Variants in RUNX2 observed in about 807,000 individuals in gnomAD.
The protein encoded by RUNX2 is runt-related transcription factor 2.
In RUNX2, 10 loss-of-function variants were observed where a neutral mutation model predicts 51.7. That is an observed-to-expected ratio of 0.19 (90% CI 0.12 to 0.33). RUNX2 has a LOEUF of 0.33. Among genes scored for constraint, RUNX2 ranks in the 10% least tolerant of loss-of-function variants. The probability of loss-of-function intolerance (pLI) is 1.00; values close to 1 mark genes in which losing one functional copy is unlikely to be tolerated. For missense variants in RUNX2, 562 were observed against 691.3 expected (o/e 0.81, Z 2.10); for synonymous variants, 276 against 273.6 (o/e 1.01, Z -0.09).
intron 7 of RUNX2, among the ~76,000 whole-genome samples, chr6:45,515,626 A>G (rs1256355837): frequency 6.6e-6 from 1 of 152,212 alleles, no homozygotes; most frequent in Non-Finnish European, 1.5e-5. Context: ...GATTATCTAA[A>G]TAAGTTAATA....
intron 6 of RUNX2, among the ~76,000 whole-genome samples, chr6:45,501,685 T>G (rs77604790): frequency 2.0e-5 from 3 of 152,348 alleles, no homozygotes; most frequent in Non-Finnish European, 4.4e-5. Context: ...GGTCCAGATA[T>G]GCAATAGACA....
chr6:45,335,305 G>T (rs1788335745), intron 2 of RUNX2, among the ~76,000 whole-genome samples: 1 of 151,048 alleles, frequency 6.6e-6, no homozygotes, highest in Non-Finnish European at 1.5e-5. Context: ...TAAACAATGT[G>T]AATTTACTTT....
intron 2 of RUNX2, among the ~76,000 whole-genome samples, chr6:45,332,699 A>G (rs1296758985): frequency 6.6e-6 from 1 of 151,840 alleles, no homozygotes; most frequent in East Asian, 1.9e-4. Context: ...TATAGCATCT[A>G]TTAAAAATAT....
chr6:45,464,963 C>T (rs921472128), intron 5 of RUNX2, among the ~76,000 whole-genome samples: 3 of 152,188 alleles, frequency 2.0e-5, no homozygotes, highest in Non-Finnish European at 4.4e-5. Flanking sequence ...CACAAGGAAA[C>T]TCTGGGAGTG....
At position 45,422,583 on chromosome 6, in the gene RUNX2, A is replaced by T. The variant is rs140119945; in HGVS notation, c.59-10A>T. The T allele has an allele frequency of 1.9e-5, 29 of 1,505,592 alleles. No individual in the cohort carries two copies. In the African/African-American group the frequency reaches 3.8e-4, roughly 20 times the overall value. 93.3% of individuals were successfully genotyped at this position (1,505,592 alleles called of 1,614,324 possible). A position where few individuals can be genotyped will look rare whatever the true frequency, so the allele number is the denominator to read the frequency against. On this transcript the variant is annotated splice_polypyrimidine_tract_variant and intron_variant, in intron 2 of 8. Transcript: ENST00000647337. Reference sequence around the variant, plus strand: ...CTAACTTGTGGCTGTTGTGATGCGTATTCCCGTAGATCCGAGCACCAGCCG... The same window carrying T: ...CTAACTTGTGGCTGTTGTGATGCGTTTTCCCGTAGATCCGAGCACCAGCCG...
At chr6:45,445,742 G>A (rs9472491) in intron 5 of RUNX2, among the ~76,000 whole-genome samples, 20,998 of 149,172 alleles carry the variant, frequency 0.14, 3,029 homozygotes, top group African/African-American at 0.38. Flanking sequence ...ATAAAACATC[G>A]TTGAAAATCT....
intron 7 of RUNX2, among the ~76,000 whole-genome samples, chr6:45,542,139 T>A (rs925319760): frequency 1.3e-5 from 2 of 152,068 alleles, no homozygotes; most frequent in Non-Finnish European, 2.9e-5. Context: ...AAATTGAAGA[T>A]CAGACATTCT....
In RUNX2 at chr6:45,547,436, T is replaced by C; in HGVS notation, c.*131T>C. On this transcript the variant is annotated 3_prime_UTR_variant, in exon 9 of 9. Coordinates refer to ENST00000647337, the MANE Select transcript of RUNX2 (RefSeq NM_001024630.4). ...ACAAAGTGCCTATTTTTTAGAAGATTTTTCATTCACTCACTCAGTCATGAT... is the reference window on the plus strand; with the variant it reads ...ACAAAGTGCCTATTTTTTAGAAGATCTTTCATTCACTCACTCAGTCATGAT... 1 of 793,754 alleles carries C rather than the reference T, an allele frequency of 1.3e-6. No homozygotes were observed. The highest frequency in any genetic ancestry group is 2.1e-6 in the Non-Finnish European group (1 of 467,534). The allele number at this position is 793,754 out of a possible 1,614,324, so 49.2% of individuals were successfully genotyped here.
Position 45,547,357 on chromosome 6 carries a change from C to CAAA in RUNX2, c.*54_*55insAAA, listed in dbSNP as rs1219443340. 1 of 1,300,880 alleles carries CAAA rather than the reference C, an allele frequency of 7.7e-7. No individual in the cohort carries two copies. The highest frequency in any genetic ancestry group is 1.1e-6 in the Non-Finnish European group (1 of 896,858). The allele number at this position is 1,300,880 out of a possible 1,614,324, so 80.6% of individuals were successfully genotyped here. On this transcript the variant is annotated 3_prime_UTR_variant, in exon 9 of 9. Coordinates refer to ENST00000647337, the MANE Select transcript of RUNX2 (RefSeq NM_001024630.4). The stretch of plus-strand genomic sequence containing the variant: ...TCTGGGGGCCACATCCCACACGTAT[C>CAAA]AATATATACATATATAGAGAGAGTG...
intron 2 of RUNX2, chr6:45,365,246 C>G: frequency 6.2e-7 from 1 of 1,612,516 alleles, no homozygotes; most frequent in Non-Finnish European, 8.5e-7. Flanking sequence ...CTTCCCTGTA[C>G]TCCTTCCACT....
At chr6:45,508,890 A>G (rs886208542) in intron 6 of RUNX2, among the ~76,000 whole-genome samples, 22 of 152,038 alleles carry the variant, frequency 1.4e-4, no homozygotes, top group Non-Finnish European at 2.9e-4. Context: ...CCACCCTGAA[A>G]GGTTCATTCA....
intron 2 of RUNX2, among the ~76,000 whole-genome samples, chr6:45,368,365 T>A (rs191450799): frequency 3.3e-5 from 5 of 152,138 alleles, no homozygotes; most frequent in African/African-American, 1.2e-4. Context: ...AGAAGAAAAA[T>A]TGGCATTTAC....
Position 45,445,250 on chromosome 6 carries a change from T to C in RUNX2, c.685+7199T>C, listed in dbSNP as rs548887298. 2.6e-5 allele frequency among the ~76,000 whole-genome samples: 4 copies of C among 152,132 alleles called. No individual in the cohort carries two copies. The East Asian group carries it at 7.7e-4, about 29-fold the overall frequency. Reference sequence around the variant, plus strand: ...CATGTTGGCCAGGCTGGTCTCAAACTCCTGACCTGGTGATTCACCCGCCTC... The same window carrying C: ...CATGTTGGCCAGGCTGGTCTCAAACCCCTGACCTGGTGATTCACCCGCCTC... On this transcript the variant is annotated intron_variant, in intron 5 of 8. Coordinates refer to ENST00000647337, the MANE Select transcript of RUNX2 (RefSeq NM_001024630.4).
At chr6:45,363,473 G>C (rs898253476) in intron 2 of RUNX2, among the ~76,000 whole-genome samples, 2 of 151,908 alleles carry the variant, frequency 1.3e-5, no homozygotes, top group African/African-American at 4.8e-5. Flanking sequence ...TGGATATATA[G>C]GTTTCATTAC....
At position 45,512,324 on chromosome 6, in the gene RUNX2, C is replaced by T. The variant is rs535706340; in HGVS notation, c.938C>T (p.Pro313Leu). 7.4e-6 allele frequency: 12 copies of T among 1,614,006 alleles called. No homozygotes were observed. Among genetic ancestry groups the T allele is most frequent in the Admixed American group, 1.7e-5 (1 of 59,998 alleles). The change falls in exon 7 of 9, where the codon CCG (proline) becomes CTG (leucine). Residue 313 changes from proline (P) to leucine (L), a missense_variant. Pro to Leu is a moderately conservative substitution (Grantham distance 98). This residue lies in a region of RUNX2 where 304 missense variants were observed against 353.2 expected (regional missense o/e 0.86). Coordinates refer to ENST00000647337, the MANE Select transcript of RUNX2 (RefSeq NM_001024630.4). ...TCCTACCTGAGCCAGATGACGTCCC[C>T]GTCCATCCACTCTACCACCCCGCTG... Reference protein sequence around the residue: ...YPSYLSQMTSPSIHSTTPLSS... With the variant: ...YPSYLSQMTSLSIHSTTPLSS...
At chr6:45,341,571 T>C (rs1789783004) in intron 2 of RUNX2, among the ~76,000 whole-genome samples, 1 of 152,084 alleles carries the variant, frequency 6.6e-6, no homozygotes, top group African/African-American at 2.4e-5. Flanking sequence ...AAACATCCAC[T>C]GAAAAAGGTT....
intron 5 of RUNX2, among the ~76,000 whole-genome samples, chr6:45,474,460 C>CT (rs1022294408): frequency 3.7e-4 from 55 of 149,792 alleles, no homozygotes; most frequent in African/African-American, 1.2e-3. Context: ...TGGATTTTAT[C>CT]TTTTTTTTTG....
intron 5 of RUNX2, among the ~76,000 whole-genome samples, chr6:45,451,036 T>C (rs569210193): frequency 1.3e-5 from 2 of 152,354 alleles, no homozygotes; most frequent in African/African-American, 4.8e-5. Flanking sequence ...AGGATGTTCA[T>C]AGATGTTATC....
At chr6:45,364,128 T>A (rs1487462722) in intron 2 of RUNX2, among the ~76,000 whole-genome samples, 2 of 150,820 alleles carry the variant, frequency 1.3e-5, no homozygotes, top group African/African-American at 4.9e-5. Context: ...AAAAAAAAAA[T>A]TTAATAATAA....
Sources: allele counts gnomAD v4.1 joint callset (sites outside exome capture counted in the v4.1 genomes callset), GRCh38; gene constraint gnomAD v4.1.1; regional missense constraint gnomAD v4.1.1; transcripts MANE v1.5; gene names NCBI Gene and HGNC (gene_info 2026-07-23, HGNC 2026-07-21).